TAB1: variants seen among roughly 807,000 people sequenced by gnomAD.
TAB1 encodes the protein TGF-beta-activated kinase 1 and MAP3K7-binding protein 1.
In TAB1, 30 loss-of-function variants were observed where a neutral mutation model predicts 54.5. The observed-to-expected ratio is 0.55, with a 90% CI of 0.41 to 0.75. The LOEUF (loss-of-function observed/expected upper bound fraction) is 0.75, where lower values mean the gene tolerates loss of function less well. Among genes scored for constraint, TAB1 ranks in the 30% least tolerant of loss-of-function variants. The probability of loss-of-function intolerance (pLI) is 0.00; values close to 1 mark genes in which losing one functional copy is unlikely to be tolerated. For missense variants in TAB1, 609 were observed against 683.2 expected, an observed-to-expected ratio of 0.89 and a Z score of 1.21; for synonymous variants, 289 against 286.9, an observed-to-expected ratio of 1.01 and a Z score of -0.07.
In TAB1 at chr22:39,430,625, T is replaced by C. The variant is rs1927548781; in HGVS notation, c.*403T>C. ...CCTGCTGTCCCAAGCCCACCCCTCC[T>C]CCCACCATCACCTCCCTCACCTCGG... On this transcript the variant is annotated 3_prime_UTR_variant, in exon 11 of 11. Coordinates refer to ENST00000216160, the MANE Select transcript of TAB1 (RefSeq NM_006116.3). 2 of 758,928 alleles carry C rather than the reference T, an allele frequency of 2.6e-6. No homozygotes were observed. Among genetic ancestry groups the C allele is most frequent in the Non-Finnish European group, 3.4e-6 (2 of 590,336 alleles). The allele number at this position is 758,928 out of a possible 1,614,324, so 47.0% of individuals were successfully genotyped here.
At chr22:39,410,711 A>G (rs550653604) in intron 1 of TAB1, among the ~76,000 whole-genome samples, 2 of 152,316 alleles carry the variant, frequency 1.3e-5, no homozygotes, top group African/African-American at 4.8e-5. Context: ...GAAGACATAA[A>G]TAAGTGTAGA....
rs1487254068 is a variant in TAB1 at position 39,416,616 on chromosome 22, G to C, written c.325-175G>C. 4 of 646,678 alleles carry C rather than the reference G, an allele frequency of 6.2e-6. No homozygotes were observed. In the African/African-American group the frequency reaches 7.3e-5, roughly 12 times the overall value. The allele number at this position is 646,678 out of a possible 1,614,324, so 40.1% of individuals were successfully genotyped here. A position where few individuals can be genotyped will look rare whatever the true frequency, so the allele number is the denominator to read the frequency against. ...TGTCAAAGACATTGATCTGCAGGAA[G>C]CAGCCGGTGCCTTGCAGTGCTGGGC... On this transcript the variant is annotated intron_variant, in intron 3 of 10. Coordinates refer to ENST00000216160, the MANE Select transcript of TAB1 (RefSeq NM_006116.3).
At chr22:39,429,230 C>T (rs962580971) in intron 10 of TAB1, 14 of 985,416 alleles carry the variant, frequency 1.4e-5, no homozygotes, top group Middle Eastern at 1.0e-3. Flanking sequence ...TGCCCGTCCC[C>T]ACCCAGCTGA....
In TAB1 at chr22:39,426,692, C is replaced by T; in HGVS notation, c.922-11C>T. On this transcript the variant is annotated splice_polypyrimidine_tract_variant and intron_variant, in intron 8 of 10. Transcript: ENST00000216160. ...CGTTCCTTACCAGGTTCTTCCTACC[C>T]CCTCCCCCAGGAGATTGCTGCGATG... is the stretch of plus-strand genomic sequence containing the variant. The T allele has an allele frequency of 6.3e-7, 1 of 1,590,466 alleles. No individual in the cohort carries two copies. Among genetic ancestry groups the T allele is most frequent in the South Asian group, 1.1e-5 (1 of 89,276 alleles).
In TAB1 at chr22:39,415,016, C is replaced by T; in HGVS notation, c.44C>T (p.Pro15Leu). ...RRSLLQSEQQ[P>L]SWTDDLPLCH... ...GGTGTCCTTCCCCAGGAGCAGCAGC[C>T]AAGCTGGACAGATGACCTGCCTCTC... Residue 15 changes from proline (P) to leucine (L), a missense_variant, in exon 2 of 11, where the codon CCA becomes CTA. Transcript: ENST00000216160. This position sits in a 1 kb window ranked among gnomAD's most constrained non-coding sequence, Gnocchi z 4.9. The T allele has an allele frequency of 6.2e-7, 1 of 1,614,018 alleles. No homozygotes were observed. The highest frequency in any genetic ancestry group is 8.5e-7 in the Non-Finnish European group (1 of 1,179,970).
At position 39,415,777 on chromosome 22, in the gene TAB1, T is replaced by A; in HGVS notation, c.324+124T>A. ...GATCCTGCCGGCCCCTTCACCCCAG[T>A]AGAGGAGCAGCTCCCAGCGTAGGCC... On this transcript the variant is annotated intron_variant, in intron 3 of 10. Coordinates refer to ENST00000216160, the MANE Select transcript of TAB1 (RefSeq NM_006116.3). The surrounding 1 kb of genome is among the most constrained non-coding windows in gnomAD (Gnocchi z 4.9). 7.8e-7 allele frequency: 1 copy of A among 1,290,218 alleles called. No individual in the cohort carries two copies. Among genetic ancestry groups the A allele is most frequent in the Non-Finnish European group, 1.1e-6 (1 of 950,538 alleles). 79.9% of individuals were successfully genotyped at this position (1,290,218 alleles called of 1,614,324 possible).
intron 1 of TAB1, among the ~76,000 whole-genome samples, chr22:39,414,118 C>G (rs1926723690): frequency 6.6e-6 from 1 of 152,108 alleles, no homozygotes; most frequent in Non-Finnish European, 1.5e-5. Context: ...ATGCTGGAAT[C>G]AGGGTGCCGT....
chr22:39,428,391 A>G (rs1927440991), intron 10 of TAB1, among the ~76,000 whole-genome samples: 1 of 151,918 alleles, frequency 6.6e-6, no homozygotes. Context: ...GTCCCAGCCT[A>G]CTTCTCGTAT....
At position 39,430,581 on chromosome 22, in the gene TAB1, T is replaced by C. The variant is rs1927546922; in HGVS notation, c.*359T>C. 1.7e-6 allele frequency: 2 copies of C among 1,155,494 alleles called. No individual in the cohort carries two copies. Among genetic ancestry groups the C allele is most frequent in the Non-Finnish European group, 1.1e-6 (1 of 926,808 alleles). 71.6% of individuals were successfully genotyped at this position (1,155,494 alleles called of 1,614,324 possible). Reference sequence around the variant, plus strand: ...GAAGAGGCGCCCTGTGAACCCTGAGTGTTGCAGGCCCAGCAGACCCTGCTG... The same window carrying C: ...GAAGAGGCGCCCTGTGAACCCTGAGCGTTGCAGGCCCAGCAGACCCTGCTG... On this transcript the variant is annotated 3_prime_UTR_variant, in exon 11 of 11. Coordinates refer to ENST00000216160, the MANE Select transcript of TAB1 (RefSeq NM_006116.3).
chr22:39,429,415 G>A, intron 10 of TAB1: 1 of 965,082 alleles, frequency 1.0e-6, no homozygotes, highest in Non-Finnish European at 1.2e-6. Context: ...TCGCGTGGGT[G>A]CTGTCCTGTC....
In TAB1 at chr22:39,426,890, G is replaced by T; in HGVS notation, c.1109G>T (p.Gly370Val). 6.2e-7 allele frequency: 1 copy of T among 1,612,542 alleles called. No homozygotes were observed. Reference protein sequence around the residue: ...LLVRNFGYPLGEMSQPTPSPA... With the variant: ...LLVRNFGYPLVEMSQPTPSPA... ...GTGAGGAACTTTGGCTACCCGCTGG[G>T]CGAAATGAGCCAGCCCACACCGAGC... Residue 370 changes from glycine (G) to valine (V), a missense_variant, in exon 9 of 11, where the codon GGC becomes GTC. By Grantham distance (109) the Gly-to-Val change is moderately radical. Coordinates refer to ENST00000216160, the MANE Select transcript of TAB1 (RefSeq NM_006116.3).
In TAB1 at chr22:39,415,671, A is replaced by G. The variant is rs2145667745; in HGVS notation, c.324+18A>G. Reference sequence around the variant, plus strand: ...TGCTGCAGGTAATGGTGCCGGGGCCAACAGTGACCCAGCCACATCATGTCC... The same window carrying G: ...TGCTGCAGGTAATGGTGCCGGGGCCGACAGTGACCCAGCCACATCATGTCC... On this transcript the variant is annotated intron_variant, in intron 3 of 10. Coordinates refer to ENST00000216160, the MANE Select transcript of TAB1 (RefSeq NM_006116.3). The surrounding 1 kb of genome is among the most constrained non-coding windows in gnomAD (Gnocchi z 4.9). 2.5e-6 allele frequency: 4 copies of G among 1,599,898 alleles called. No homozygotes were observed. The highest frequency in any genetic ancestry group is 3.4e-6 in the Non-Finnish European group (4 of 1,176,356).
At chr22:39,414,928 T>A (rs1482495644) in intron 1 of TAB1, 78 bp from the exon 2 acceptor site, 1 of 1,576,248 alleles carries the variant, frequency 6.3e-7, no homozygotes, top group Non-Finnish European at 8.7e-7. Flanking sequence ...TAGGTTTTTG[T>A]TGCAGAAGGA....
In TAB1 at chr22:39,415,593, C is replaced by T. The variant is rs1428243987; in HGVS notation, c.264C>T (p.Leu88=). ...TGGCCCAGCGGCTGTCCGCAGAGCT[C>T]CTGCTGGGCCAGCTGAATGCCGAGC... ...NFVAQRLSAE[L]LLGQLNAEHA... The change falls in exon 3 of 11, where the codon CTC becomes CTT. Residue 88 remains leucine (L), a synonymous_variant. Transcript: ENST00000216160. This position sits in a 1 kb window ranked among gnomAD's most constrained non-coding sequence, Gnocchi z 4.9. 6.8e-6 allele frequency: 11 copies of T among 1,614,038 alleles called. No homozygotes were observed. Among genetic ancestry groups the T allele is most frequent in the South Asian group, 1.1e-5 (1 of 91,090 alleles).
chr22:39,436,814 T>C (rs1927804553), downstream of TAB1: 2 of 540,270 alleles, frequency 3.7e-6, no homozygotes, highest in Non-Finnish European at 6.7e-6. Flanking sequence ...CCCCCAAGGC[T>C]GTCCTCTGTT....
chr22:39,435,580 G>C (rs1927751176), downstream of TAB1, among the ~76,000 whole-genome samples: 1 of 152,230 alleles, frequency 6.6e-6, no homozygotes, highest in South Asian at 2.1e-4. Context: ...GTGACTGGGA[G>C]ACAGTTCAGC....
chr22:39,433,121 A>G, downstream of TAB1: 1 of 985,270 alleles, frequency 1.0e-6, no homozygotes, highest in Non-Finnish European at 1.2e-6. Context: ...GAACCAGAGA[A>G]GCCCATCCCC....
intron 1 of TAB1, among the ~76,000 whole-genome samples, chr22:39,400,530 TC>T (rs1235172653): frequency 2.0e-4 from 31 of 152,224 alleles, no homozygotes; most frequent in Admixed American, 1.8e-3. Context: ...AGAATTGTCT[TC>T]AGACTCATCC....
At chr22:39,405,191 A>G (rs1237869984) in intron 1 of TAB1, among the ~76,000 whole-genome samples, 2 of 152,318 alleles carry the variant, frequency 1.3e-5, no homozygotes, top group African/African-American at 4.8e-5. Flanking sequence ...TTTGTGAACT[A>G]TTATGTGACA....
Sources: allele counts gnomAD v4.1 joint callset (sites outside exome capture counted in the v4.1 genomes callset), GRCh38; gene constraint gnomAD v4.1.1; non-coding constraint Gnocchi (gnomAD v3.1); transcripts MANE v1.5; gene names NCBI Gene and HGNC (gene_info 2026-07-23, HGNC 2026-07-21).